Variants in PCYT1B observed in about 807,000 individuals in gnomAD.
PCYT1B encodes choline-phosphate cytidylyltransferase B.
Under a neutral mutation model 26.4 loss-of-function variants are expected in PCYT1B, and 10 were observed. That is an observed-to-expected ratio of 0.38 (90% CI 0.23 to 0.64). The LOEUF is 0.64. Among genes scored for constraint, PCYT1B ranks in the 30% least tolerant of loss-of-function variants. The pLI, the probability that PCYT1B is intolerant of heterozygous loss-of-function variation, is 0.56. For synonymous variants in PCYT1B, 131 were observed against 108.4 expected (o/e 1.21, Z -1.29); for missense variants, 161 against 292.7 (o/e 0.55, Z 3.28).
chrX:24,624,940 G>A (rs763874147), intron 1 of PCYT1B, among the ~76,000 whole-genome samples: 6 of 112,568 alleles, frequency 5.3e-5, no homozygotes, highest in Non-Finnish European at 9.4e-5. Context: ...TTTAGAGTGA[G>A]CCATCTGTGT....
intron 2 of PCYT1B, among the ~76,000 whole-genome samples, chrX:24,613,391 T>A (rs1925369939): frequency 8.9e-6 from 1 of 112,201 alleles, no homozygotes; most frequent in Non-Finnish European, 1.9e-5. Flanking sequence ...CATTAGCCAT[T>A]GCTACTAGCT....
At chrX:24,572,704 G>A (rs1191916623) in intron 7 of PCYT1B, among the ~76,000 whole-genome samples, 1 of 110,762 alleles carries the variant, frequency 9.0e-6, no homozygotes. Context: ...AAAAAGTAAT[G>A]TCTTAGTCTG....
intron 1 of PCYT1B, chrX:24,621,962 C>T (rs1395853971): frequency 2.8e-5 from 5 of 180,434 alleles, no homozygotes; most frequent in Non-Finnish European, 4.3e-5. Flanking sequence ...TTATATGCAC[C>T]GTGCATTTTG....
rs750266792 is a variant in PCYT1B, at chrX:24,643,914, A to T, written c.117+3075T>A. Among the ~76,000 whole-genome samples the T allele has an allele frequency of 2.1e-3, 236 of 111,772 alleles. 1 individual carries two copies. Among genetic ancestry groups the T allele is most frequent in the Non-Finnish European group, 3.6e-3 (194 of 53,171 alleles). On this transcript the variant is annotated intron_variant, in intron 1 of 7. Coordinates refer to ENST00000379144, the MANE Select transcript of PCYT1B (RefSeq NM_004845.5). The stretch of plus-strand genomic sequence containing the variant: ...TACACTTTCCATAGTTAGTTAAGCA[A>T]CTCAGTAGCCACACTCTGTTGATGG...
chrX:24,598,222 TATATC>T (rs1033377126), intron 3 of PCYT1B, among the ~76,000 whole-genome samples: 4 of 112,177 alleles, frequency 3.6e-5, no homozygotes, highest in Non-Finnish European at 7.5e-5. Flanking sequence ...GTTATCAACT[TATATC>T]ATAAAATATT....
upstream of PCYT1B, among the ~76,000 whole-genome samples, chrX:24,651,608 C>T (rs1184577295): frequency 2.9e-4 from 29 of 99,631 alleles, no homozygotes; most frequent in Non-Finnish European, 5.2e-4. Context: ...ACAGCAGCCT[C>T]GACCTCCCAG....
At chrX:24,629,913 G>C (rs1472700151) in intron 1 of PCYT1B, among the ~76,000 whole-genome samples, 1 of 111,587 alleles carries the variant, frequency 9.0e-6, no homozygotes, top group Non-Finnish European at 1.9e-5. Context: ...CCACATTTTA[G>C]CATCTCTGAG....
Position 24,558,320 on chromosome X carries a change from T to C in PCYT1B, c.*3973A>G, listed in dbSNP as rs1227540135. 1.8e-5 allele frequency: 2 copies of C among 112,250 alleles called. No homozygotes were observed. Among genetic ancestry groups the C allele is most frequent in the Admixed American group, 9.5e-5 (1 of 10,522 alleles). 9.3% of individuals were successfully genotyped at this position (112,250 alleles called of 1,213,427 possible). ...GTCTTAAGTATGTATGCTCTACTTA[T>C]GGCTTTGTCCCTGGACACATCGCAG... On this transcript the variant is annotated 3_prime_UTR_variant, in exon 8 of 8. Transcript: ENST00000379144.
intron 3 of PCYT1B, among the ~76,000 whole-genome samples, chrX:24,606,700 C>G (rs1469373143): frequency 1.9e-5 from 2 of 104,869 alleles, no homozygotes; most frequent in Non-Finnish European, 1.9e-5. Context: ...CCCATCTCTA[C>G]TAAAAATACA....
chrX:24,631,022 A>T (rs1299382247), intron 1 of PCYT1B, among the ~76,000 whole-genome samples: 1 of 111,295 alleles, frequency 9.0e-6, no homozygotes, highest in Non-Finnish European at 1.9e-5. Flanking sequence ...TCCTGGGTTC[A>T]CGCCATTCTC....
chrX:24,668,697 G>A (rs375606384), intron 1 of PCYT1B, among the ~76,000 whole-genome samples: 3 of 107,891 alleles, frequency 2.8e-5, no homozygotes, highest in African/African-American at 1.0e-4. Flanking sequence ...AAGGAGGAAG[G>A]TTCCTTCCTC....
upstream of PCYT1B, chrX:24,647,441 G>A: frequency 1.7e-5 from 3 of 177,670 alleles, no homozygotes; most frequent in Non-Finnish European, 2.7e-5. Context: ...AAGCGGCCGG[G>A]CCCCATTGGC....
intron 4 of PCYT1B, among the ~76,000 whole-genome samples, chrX:24,589,583 C>T (rs757048398): frequency 3.6e-5 from 4 of 111,991 alleles, no homozygotes; most frequent in South Asian, 7.5e-4. Flanking sequence ...TCAATAATGA[C>T]GGTGGTGATG....
intron 3 of PCYT1B, among the ~76,000 whole-genome samples, chrX:24,602,629 T>C (rs1433761770): frequency 1.8e-5 from 2 of 110,404 alleles, no homozygotes; most frequent in Non-Finnish European, 3.8e-5. Context: ...GAGAAAGGAG[T>C]ATACAAGGAT....
chrX:24,574,608 C>A (rs1923960351), intron 7 of PCYT1B, among the ~76,000 whole-genome samples: 1 of 111,671 alleles, frequency 9.0e-6, no homozygotes, highest in African/African-American at 3.3e-5. Context: ...ACTCCTACTT[C>A]TTCTCTCTCT....
intron 1 of PCYT1B, among the ~76,000 whole-genome samples, chrX:24,622,266 G>A (rs898304077): frequency 4.5e-5 from 5 of 111,835 alleles, no homozygotes; most frequent in African/African-American, 1.6e-4. Flanking sequence ...GAAGACTTTG[G>A]TTAAGGCCCA....
chrX:24,637,258 T>C (rs1926300532), intron 1 of PCYT1B, among the ~76,000 whole-genome samples: 1 of 107,701 alleles, frequency 9.3e-6, no homozygotes, highest in Non-Finnish European at 1.9e-5. Flanking sequence ...AATTCTCTGC[T>C]CACTGAAGTT....
intron 1 of PCYT1B, among the ~76,000 whole-genome samples, chrX:24,670,723 G>A (rs1334479289): frequency 9.0e-6 from 1 of 111,338 alleles, no homozygotes; most frequent in African/African-American, 3.3e-5. Flanking sequence ...TCCTTTTGTT[G>A]AATACAATTA....
intron 5 of PCYT1B, among the ~76,000 whole-genome samples, chrX:24,582,659 G>A (rs1449982453): frequency 8.9e-6 from 1 of 112,000 alleles, no homozygotes; most frequent in African/African-American, 3.2e-5. Context: ...TTTAATTTAA[G>A]CTCCATCTTT....
Sources: allele counts gnomAD v4.1 joint callset (sites outside exome capture counted in the v4.1 genomes callset), GRCh38; gene constraint gnomAD v4.1.1; transcripts MANE v1.5; gene names NCBI Gene and HGNC (gene_info 2026-07-23, HGNC 2026-07-21).